Variants in TMEM164 observed in about 807,000 individuals in gnomAD.
TMEM164 encodes the protein transmembrane protein 164, also known as RP13-360B22.2.
In TMEM164, 4 loss-of-function variants were observed where a neutral mutation model predicts 18.8. That is an observed-to-expected ratio of 0.21 (90% CI 0.10 to 0.49). TMEM164 has a LOEUF of 0.49. TMEM164 is among the 20% of genes least tolerant of loss of function. TMEM164 has a pLI of 0.98. For missense variants in TMEM164, 108 were observed against 239.9 expected (o/e 0.45, Z 3.63); for synonymous variants, 86 against 101.7 (o/e 0.85, Z 0.93).
chrX:110,014,645 T>A (rs1250463761), intron 2 of TMEM164, among the ~76,000 whole-genome samples: 1 of 109,455 alleles, frequency 9.1e-6, no homozygotes, highest in Admixed American at 9.7e-5. Flanking sequence ...ATTGGTAGTC[T>A]AGGAAACCAG....
chrX:110,100,744 G>T (rs945840607), intron 3 of TMEM164, among the ~76,000 whole-genome samples: 3 of 109,486 alleles, frequency 2.7e-5, no homozygotes, highest in South Asian at 4.0e-4. Context: ...GCTAATTTTT[G>T]TATTTTTTTT....
chrX:110,051,593 A>AG (rs1555991741), intron 2 of TMEM164, among the ~76,000 whole-genome samples: 3 of 102,960 alleles, frequency 2.9e-5, no homozygotes, highest in East Asian at 5.8e-4. Flanking sequence ...CAAAAAAAAA[A>AG]AAAGAAAGAA....
intron 2 of TMEM164, among the ~76,000 whole-genome samples, chrX:110,048,299 C>T (rs201174865): frequency 1.8e-5 from 2 of 111,850 alleles, no homozygotes; most frequent in East Asian, 5.6e-4. Flanking sequence ...TTTTGTGTTA[C>T]AGCTCTCAAA....
intron 4 of TMEM164, among the ~76,000 whole-genome samples, chrX:110,125,711 T>A (rs1208270633): frequency 1.8e-5 from 2 of 112,524 alleles, no homozygotes; most frequent in East Asian, 5.6e-4. Flanking sequence ...TACATCGTGT[T>A]AGAAACATTC....
At chrX:110,130,807 G>T (rs2066602251) in intron 4 of TMEM164, among the ~76,000 whole-genome samples, 1 of 111,192 alleles carries the variant, frequency 9.0e-6, no homozygotes, top group Admixed American at 9.6e-5. Flanking sequence ...TTCTCTGTGT[G>T]TTGGGTTAGC....
chrX:110,010,386 G>A (rs1031284978), intron 2 of TMEM164, among the ~76,000 whole-genome samples: 3 of 112,818 alleles, frequency 2.7e-5, no homozygotes, highest in Non-Finnish European at 3.7e-5. Context: ...AGAATGTCTT[G>A]TCTCACGTGC....
intron 2 of TMEM164, among the ~76,000 whole-genome samples, chrX:110,066,953 A>T (rs1175040371): frequency 8.9e-6 from 1 of 111,775 alleles, no homozygotes; most frequent in Non-Finnish European, 1.9e-5. Context: ...TATTTGCTAA[A>T]TTTGGCAATG....
intron 5 of TMEM164, among the ~76,000 whole-genome samples, chrX:110,160,980 T>TTTG (rs1443258741): frequency 1.8e-5 from 2 of 112,296 alleles, no homozygotes; most frequent in East Asian, 5.6e-4. Flanking sequence ...AGTGCTGGGA[T>TTTG]TACAGGCGTG....
At chrX:110,172,348 G>A (rs996020055) in intron 6 of TMEM164, among the ~76,000 whole-genome samples, 1 of 112,200 alleles carries the variant, frequency 8.9e-6, no homozygotes, top group African/African-American at 3.3e-5. Context: ...GGTTTTGTGT[G>A]CAAGTGGCAG....
intron 2 of TMEM164, among the ~76,000 whole-genome samples, chrX:110,022,646 G>C (rs975620974): frequency 1.8e-5 from 2 of 111,953 alleles, no homozygotes; most frequent in Admixed American, 1.9e-4. Context: ...CATTCAAAAA[G>C]CTTATGATAT....
intron 2 of TMEM164, among the ~76,000 whole-genome samples, chrX:110,026,406 G>A (rs1370661896): frequency 9.0e-6 from 1 of 111,386 alleles, no homozygotes; most frequent in Non-Finnish European, 1.9e-5. Flanking sequence ...TGCTGGGTGT[G>A]GGAGTTCAGT....
rs779787404 is a variant in TMEM164 at position 110,090,767 on chromosome X, G to A, written c.441-18313G>A. 3.6e-5 allele frequency among the ~76,000 whole-genome samples: 4 copies of A among 111,125 alleles called. No homozygotes were observed. The South Asian group carries it at 1.5e-3, about 42-fold the overall frequency. ...GTACATGTGCACAACATGCAGGTTT[G>A]TTACATATGTATACATGTGCCATGT... On this transcript the variant is annotated intron_variant, in intron 3 of 6. Transcript: ENST00000372068.
intron 4 of TMEM164, among the ~76,000 whole-genome samples, chrX:110,113,184 G>A (rs1211942097): frequency 8.9e-6 from 1 of 112,346 alleles, no homozygotes; most frequent in Non-Finnish European, 1.9e-5. Context: ...AACCTCTCCT[G>A]ACATTGAAAC....
Position 110,176,540 on chromosome X carries a change from G to A in TMEM164, c.*3089G>A, listed in dbSNP as rs1013108387. 11 of 354,063 alleles carry A rather than the reference G, an allele frequency of 3.1e-5. No homozygotes were observed. The South Asian group carries it at 7.3e-4, about 23-fold the overall frequency. The allele number at this position is 354,063 out of a possible 1,213,427, so 29.2% of individuals were successfully genotyped here. A position where few individuals can be genotyped will look rare whatever the true frequency, so the allele number is the denominator to read the frequency against. On this transcript the variant is annotated 3_prime_UTR_variant, in exon 7 of 7. Transcript: ENST00000372068. ...ACCAGGGTGATCGGCGAACTTTACC[G>A]TACAGTACCTCAGTCTAGCTGTCAG...
chrX:110,071,716 C>CA (rs59182790), intron 3 of TMEM164, among the ~76,000 whole-genome samples: 1,158 of 43,148 alleles, frequency 0.027, 24 homozygotes, highest in East Asian at 0.066. Flanking sequence ...TTTGTCTCTA[C>CA]AAAAAAAAAA....
chrX:110,130,819 A>G (rs1253000637), intron 4 of TMEM164, among the ~76,000 whole-genome samples: 3 of 111,782 alleles, frequency 2.7e-5, no homozygotes, highest in African/African-American at 9.8e-5. Context: ...TGGGTTAGCC[A>G]GGAACTGCTG....
downstream of TMEM164, among the ~76,000 whole-genome samples, chrX:110,179,154 G>C (rs1016912561): frequency 9.8e-5 from 11 of 112,026 alleles, no homozygotes; most frequent in Non-Finnish European, 2.1e-4. Context: ...GATGGAAAGA[G>C]GCTGCGGAGA....
chrX:110,075,371 G>GT (rs1222992609), intron 3 of TMEM164, among the ~76,000 whole-genome samples: 1 of 111,463 alleles, frequency 9.0e-6, no homozygotes, highest in African/African-American at 3.3e-5. Flanking sequence ...AGTCTTTAGG[G>GT]TTTTCTAGGT....
chrX:110,040,269 A>G (rs753483045), intron 2 of TMEM164, among the ~76,000 whole-genome samples: 6 of 112,435 alleles, frequency 5.3e-5, no homozygotes, highest in Non-Finnish European at 1.1e-4. Flanking sequence ...CTCCTTTGGT[A>G]ATGTGAATTG....
Sources: allele counts gnomAD v4.1 joint callset (sites outside exome capture counted in the v4.1 genomes callset), GRCh38; gene constraint gnomAD v4.1.1; transcripts MANE v1.5; gene names NCBI Gene and HGNC (gene_info 2026-07-23, HGNC 2026-07-21).